The following ADGRB3 variants were observed in gnomAD, a reference collection of about 807,000 sequenced individuals.
ADGRB3 encodes brain-specific angiogenesis inhibitor 3.
A neutral mutation model predicts 193.4 loss-of-function variants in ADGRB3; 37 were observed. That is an observed-to-expected ratio of 0.19 (90% confidence interval 0.15 to 0.25). The LOEUF (loss-of-function observed/expected upper bound fraction) is 0.25. Ranked by LOEUF, ADGRB3 falls within the 10% of genes least tolerant of loss-of-function variation. ADGRB3 has a pLI of 1.00. For synonymous variants in ADGRB3, 690 were observed against 644.2 expected, an observed-to-expected ratio of 1.07 and a Z score of -1.08; for missense variants, 1,637 against 1,852.9, an observed-to-expected ratio of 0.88 and a Z score of 2.14.
intron 3 of ADGRB3, among the ~76,000 whole-genome samples, chr6:68,785,410 G>C: frequency 6.8e-6 from 1 of 147,782 alleles, no homozygotes; most frequent in East Asian, 2.0e-4. Context: ...TGCGGTGTTT[G>C]GTTTTTTGTC....
At chr6:68,735,422 A>G (rs978251359) in intron 3 of ADGRB3, among the ~76,000 whole-genome samples, 1 of 152,044 alleles carries the variant, frequency 6.6e-6, no homozygotes, top group African/African-American at 2.4e-5. Flanking sequence ...CTGTGTAAAT[A>G]TATATGATAG....
chr6:68,743,028 G>A (rs117174731), intron 3 of ADGRB3, among the ~76,000 whole-genome samples: 3,379 of 152,034 alleles, frequency 0.022, 64 homozygotes, highest in South Asian at 0.069. Context: ...CTAGGCATGC[G>A]TATACGTTTT....
At chr6:69,304,682 T>C (rs1048593196) in intron 20 of ADGRB3, among the ~76,000 whole-genome samples, 1 of 151,640 alleles carries the variant, frequency 6.6e-6, no homozygotes, top group African/African-American at 2.4e-5. Context: ...GTTAACAGTA[T>C]AGAACTTGGT....
chr6:68,772,894 A>AAAAATATATAT (rs1466813173), intron 3 of ADGRB3, among the ~76,000 whole-genome samples: 1 of 22,876 alleles, frequency 4.4e-5, no homozygotes, highest in African/African-American at 1.9e-4. Context: ...AAAAAAAAAA[A>AAAAATATATAT]ATATATATAT....
intron 3 of ADGRB3, among the ~76,000 whole-genome samples, chr6:68,832,488 T>A: frequency 6.6e-6 from 1 of 152,296 alleles, no homozygotes; most frequent in East Asian, 1.9e-4. Context: ...ACCCAAAGTC[T>A]AAAATTAAAG....
At chr6:68,843,051 C>CAAA (rs55855427) in intron 3 of ADGRB3, among the ~76,000 whole-genome samples, 14,982 of 129,718 alleles carry the variant, frequency 0.12, 940 homozygotes, top group Middle Eastern at 0.21. Flanking sequence ...TATACAACAA[C>CAAA]AAAAAAAAAA....
intron 20 of ADGRB3, among the ~76,000 whole-genome samples, chr6:69,258,198 A>T (rs993879044): frequency 8.2e-5 from 11 of 134,474 alleles, no homozygotes; most frequent in South Asian, 2.2e-4. Context: ...TTATAAGAAA[A>T]GAAAAAAATT....
At position 69,360,970 on chromosome 6, in the gene ADGRB3, G is replaced by A; in HGVS notation, c.3697G>A (p.Glu1233Lys). The A allele has an allele frequency of 6.2e-7, 1 of 1,612,696 alleles. No homozygotes were observed. The highest frequency in any genetic ancestry group is 8.5e-7 in the Non-Finnish European group (1 of 1,179,190). The change falls in exon 29 of 32, where the codon GAA (glutamate) becomes AAA (lysine). Residue 1233 changes from glutamate (E) to lysine (K), a missense_variant. Glu to Lys is a moderately conservative substitution (Grantham distance 56, BLOSUM62 1). Transcript: ENST00000370598. ...TGAAGAAGAAAAGGGAACAAACCCT[G>A]AAGGGCTAAGCTATTCAACATTGCC... ...DDEEEKGTNP[E>K]GLSYSTLPGN... is the part of the protein sequence containing the mutation.
chr6:68,772,674 T>A (rs1454813528), intron 3 of ADGRB3, among the ~76,000 whole-genome samples: 1 of 151,278 alleles, frequency 6.6e-6, no homozygotes, highest in East Asian at 1.9e-4. Context: ...CGACACAAAT[T>A]ACTAATATTA....
chr6:69,282,719 A>G (rs561225793), intron 20 of ADGRB3, among the ~76,000 whole-genome samples: 4 of 152,328 alleles, frequency 2.6e-5, no homozygotes, highest in South Asian at 2.1e-4. Context: ...ACGTGAATCT[A>G]TGGGGTGGGA....
rs73480158 is a variant in ADGRB3, at chr6:68,944,049, C to T, written c.1195+55C>T. The T allele has an allele frequency of 2.9e-3, 4,374 of 1,511,138 alleles. 91 individuals are homozygous for T. In the African/African-American group the frequency reaches 0.042, roughly 15 times the overall value. 93.6% of individuals were successfully genotyped at this position (1,511,138 alleles called of 1,614,324 possible). A position where few individuals can be genotyped will look rare whatever the true frequency, so the allele number is the denominator to read the frequency against. On this transcript the variant is annotated intron_variant, in intron 6 of 31. Coordinates refer to ENST00000370598, the MANE Select transcript of ADGRB3 (RefSeq NM_001704.3). ...GCATTATGTGCTTTTTATATGATTC[C>T]TAGTGTACACAAGAAATATTAAGAG...
chr6:69,148,428 A>G (rs908134746), intron 17 of ADGRB3, among the ~76,000 whole-genome samples: 1 of 152,126 alleles, frequency 6.6e-6, no homozygotes, highest in African/African-American at 2.4e-5. Flanking sequence ...TAAAAACTCT[A>G]CATTTTAACT....
At chr6:68,952,208 G>T (rs1167620032) in intron 6 of ADGRB3, among the ~76,000 whole-genome samples, 1 of 151,756 alleles carries the variant, frequency 6.6e-6, no homozygotes, top group Non-Finnish European at 1.5e-5. Flanking sequence ...GTGTTATGGG[G>T]CTGCGGCCCA....
At chr6:69,117,627 A>G (rs943992978) in intron 17 of ADGRB3, among the ~76,000 whole-genome samples, 5 of 152,164 alleles carry the variant, frequency 3.3e-5, no homozygotes, top group African/African-American at 4.8e-5. Context: ...TGGAAATATG[A>G]GGGATTAATC....
chr6:69,108,029 C>T (rs1339522697), intron 17 of ADGRB3, among the ~76,000 whole-genome samples: 1 of 149,160 alleles, frequency 6.7e-6, no homozygotes, highest in Non-Finnish European at 1.5e-5. Flanking sequence ...CCCCACCTTC[C>T]GAATCTAAAA....
intron 3 of ADGRB3, among the ~76,000 whole-genome samples, chr6:68,757,624 T>C (rs1208076061): frequency 2.0e-5 from 3 of 152,144 alleles, no homozygotes; most frequent in Non-Finnish European, 4.4e-5. Flanking sequence ...TGAAATTTTC[T>C]CTTCACTTTC....
At chr6:68,843,592 T>C (rs580767) in intron 3 of ADGRB3, among the ~76,000 whole-genome samples, 32,616 of 151,878 alleles carry the variant, frequency 0.21, 4,047 homozygotes, top group East Asian at 0.58. Flanking sequence ...AATATCTATA[T>C]TTTCCAAAGC....
At chr6:69,244,793 G>A (rs929600865) in intron 20 of ADGRB3, among the ~76,000 whole-genome samples, 2 of 152,008 alleles carry the variant, frequency 1.3e-5, no homozygotes, top group African/African-American at 4.8e-5. Flanking sequence ...AGAGTTACAT[G>A]AATTAGTACG....
chr6:69,050,174 C>A (rs1020555083), intron 15 of ADGRB3, among the ~76,000 whole-genome samples: 1 of 151,972 alleles, frequency 6.6e-6, no homozygotes, highest in Non-Finnish European at 1.5e-5. Context: ...AGTTATACTG[C>A]GGACAAAACA....
Sources: gnomAD v4.1 joint callset for allele counts (sites outside exome capture counted in the v4.1 genomes callset) on GRCh38, gnomAD v4.1.1 for gene constraint, MANE v1.5 for transcripts, NCBI Gene and HGNC (gene_info 2026-07-23, HGNC 2026-07-21) for gene names.